MAP7D2: variants seen among roughly 807,000 people sequenced by gnomAD.
The protein encoded by MAP7D2 is MAP7 domain containing 2.
In MAP7D2, 33 loss-of-function variants were observed where a neutral mutation model predicts 63.5. The observed-to-expected ratio is 0.52, with a 90% confidence interval of 0.39 to 0.70. The LOEUF (loss-of-function observed/expected upper bound fraction) is 0.70, where lower values mean the gene tolerates loss of function less well. Among genes scored for constraint, MAP7D2 ranks in the 30% least tolerant of loss-of-function variants. The pLI is 0.00. For missense variants in MAP7D2, 626 were observed against 604.0 expected, an observed-to-expected ratio of 1.04 and a Z score of -0.38; for synonymous variants, 224 against 223.7, an observed-to-expected ratio of 1.00 and a Z score of -0.01.
intron 1 of MAP7D2, among the ~76,000 whole-genome samples, chrX:20,074,771 C>T (rs148351902): frequency 1.9e-3 from 216 of 111,888 alleles, no homozygotes; most frequent in African/African-American, 6.4e-3. Context: ...TAAAATGAGG[C>T]CAGGCGCGGT....
At chrX:20,046,690 G>C (rs1453049477) in intron 6 of MAP7D2, among the ~76,000 whole-genome samples, 1 of 112,601 alleles carries the variant, frequency 8.9e-6, no homozygotes, top group African/African-American at 3.2e-5. Context: ...ACTTTAAAAT[G>C]TTTCGAAAAC....
In MAP7D2 at chrX:20,013,066, G is replaced by C; in HGVS notation, c.1873C>G (p.Pro625Ala). 2 of 1,209,611 alleles carry C rather than the reference G, an allele frequency of 1.7e-6. No individual in the cohort carries two copies. Among genetic ancestry groups the C allele is most frequent in the Non-Finnish European group, 2.2e-6 (2 of 893,817 alleles). ...ATGTCACACTCACCCATTTTGTTGG[G>C]GACAACCAGTTTTGTCTTCTTTTCC... ...CVEKKTKLVVPNKMEINGLNT... is the reference protein window; with the variant it reads ...CVEKKTKLVVANKMEINGLNT... The change falls in exon 14 of 17, where the codon CCC becomes GCC. Residue 625 changes from proline (P) to alanine (A), a missense_variant. Transcript: ENST00000379643.
chrX:20,068,587 G>T (rs2065418087), intron 1 of MAP7D2, among the ~76,000 whole-genome samples: 1 of 112,454 alleles, frequency 8.9e-6, no homozygotes, highest in Admixed American at 9.4e-5. Flanking sequence ...TCCGAGGTAA[G>T]GAGGGCTGGA....
Position 20,065,027 on chromosome X carries a change from T to C in MAP7D2, c.131-222A>G, listed in dbSNP as rs757063988. Among the ~76,000 whole-genome samples the C allele has an allele frequency of 1.6e-4, 18 of 111,818 alleles. No individual in the cohort carries two copies. In the South Asian group the frequency reaches 2.2e-3, roughly 14 times the overall value. On this transcript the variant is annotated intron_variant, in intron 1 of 16. Coordinates refer to ENST00000379643, the MANE Select transcript of MAP7D2 (RefSeq NM_001168465.2). ...ATGCACCTGCCAAGCTGTCCTGTAG[T>C]TGGGCCAACATCAGCCCCAGAGGAC...
chrX:20,008,731 G>A (rs1046450426), intron 16 of MAP7D2, among the ~76,000 whole-genome samples: 5 of 111,955 alleles, frequency 4.5e-5, no homozygotes, highest in Non-Finnish European at 9.4e-5. Flanking sequence ...ACGTCTCCTG[G>A]TGGGGGTGGT....
intron 15 of MAP7D2, among the ~76,000 whole-genome samples, chrX:20,011,274 A>T (rs2073191595): frequency 9.0e-6 from 1 of 110,643 alleles, no homozygotes; most frequent in African/African-American, 3.4e-5. Context: ...ACAGGGAAGC[A>T]GATTGAGCAG....
At chrX:20,066,145 A>C (rs1364556978) in intron 1 of MAP7D2, among the ~76,000 whole-genome samples, 1 of 111,166 alleles carries the variant, frequency 9.0e-6, no homozygotes, top group Admixed American at 9.5e-5. Flanking sequence ...GATGGTCTCG[A>C]TCTCCTGACC....
intron 4 of MAP7D2, among the ~76,000 whole-genome samples, chrX:20,054,730 C>T (rs1412790387): frequency 3.6e-5 from 4 of 111,470 alleles, no homozygotes; most frequent in Non-Finnish European, 7.5e-5. Flanking sequence ...TCCAGGCACC[C>T]GCCACCACAC....
intron 8 of MAP7D2, among the ~76,000 whole-genome samples, chrX:20,034,225 C>CAA (rs397895765): frequency 2.9e-4 from 8 of 27,185 alleles, no homozygotes; most frequent in Admixed American, 6.7e-4. Context: ...ACCCTGTCTC[C>CAA]AAAAAAAAAA....
At chrX:20,024,901 C>A in intron 10 of MAP7D2, 50 bp downstream of exon 10, 1 of 1,176,551 alleles carries the variant, frequency 8.5e-7, no homozygotes, top group Non-Finnish European at 1.1e-6. Flanking sequence ...CTGCTCTTTC[C>A]AACACAACAG....
rs770712739 is a variant in MAP7D2, at chrX:20,115,531, G to A, written c.130+1219C>T. Among the ~76,000 whole-genome samples, 80 of 111,575 alleles carry A rather than the reference G, an allele frequency of 7.2e-4. No individual in the cohort carries two copies. In the Middle Eastern group the frequency reaches 0.019, roughly 26 times the overall value. ...TCAAGCAAAAAGGATAAAAACAAAA[G>A]CACACATTTCAAAGGTAGTTATAAC... On this transcript the variant is annotated intron_variant, in intron 1 of 16. Transcript: ENST00000379643.
chrX:20,111,449 A>G (rs2148577136), intron 1 of MAP7D2, among the ~76,000 whole-genome samples: 1 of 112,060 alleles, frequency 8.9e-6, no homozygotes, highest in East Asian at 2.8e-4. Context: ...AGGACAGAGT[A>G]TGCAGAATAT....
intron 1 of MAP7D2, among the ~76,000 whole-genome samples, chrX:20,097,762 C>T (rs958281868): frequency 9.0e-6 from 1 of 111,402 alleles, no homozygotes; most frequent in Non-Finnish European, 1.9e-5. Context: ...AAGTGCTGTC[C>T]TGCTAACCAT....
chrX:20,038,075 A>G (rs1448981949), intron 8 of MAP7D2, among the ~76,000 whole-genome samples: 1 of 111,691 alleles, frequency 9.0e-6, no homozygotes, highest in African/African-American at 3.3e-5. Flanking sequence ...AGCAGAGACC[A>G]ACTCTGAGCC....
rs537961180 is a variant in MAP7D2 at position 20,116,702 on chromosome X, A to AT, written c.130+47_130+48insA. The stretch of plus-strand genomic sequence containing the variant: ...CCTGGGCCGCCGGGCCCGCCCCCCC[A>AT]CAGGAACCCGAAGCCCTCGGGCGCC... On this transcript the variant is annotated intron_variant, in intron 1 of 16. Coordinates refer to ENST00000379643, the MANE Select transcript of MAP7D2 (RefSeq NM_001168465.2). 1,028 of 1,098,952 alleles carry AT rather than the reference A, an allele frequency of 9.4e-4. 4 individuals carry two copies. In the African/African-American group the frequency reaches 9.8e-3, roughly 11 times the overall value. The allele number at this position is 1,098,952 out of a possible 1,213,427, so 90.6% of individuals were successfully genotyped here.
At chrX:20,115,170 TC>T (rs2066857575) in intron 1 of MAP7D2, among the ~76,000 whole-genome samples, 2 of 108,300 alleles carry the variant, frequency 1.8e-5, no homozygotes, top group Non-Finnish European at 3.8e-5. Flanking sequence ...TACAATAGTT[TC>T]CAAACAGAAC....
intron 1 of MAP7D2, chrX:20,116,475 C>T (rs1981050241): frequency 1.7e-5 from 12 of 696,043 alleles, no homozygotes; most frequent in Non-Finnish European, 1.9e-5. Flanking sequence ...CAGGCACCTC[C>T]ATCCCAAACA....
In MAP7D2 at chrX:20,053,002, C is replaced by T. The variant is rs748802023; in HGVS notation, c.485-14G>A. On this transcript the variant is annotated splice_polypyrimidine_tract_variant and intron_variant, in intron 4 of 16. Transcript: ENST00000379643. Reference sequence around the variant, plus strand: ...GTTTGTCACATGCTGCAGAGAAATGCATTAAAGACATTGGTATTCATCACA... The same window carrying T: ...GTTTGTCACATGCTGCAGAGAAATGTATTAAAGACATTGGTATTCATCACA... The T allele has an allele frequency of 9.0e-7, 1 of 1,107,491 alleles. No homozygotes were observed. Among genetic ancestry groups the T allele is most frequent in the Non-Finnish European group, 1.2e-6 (1 of 800,578 alleles). The allele number at this position is 1,107,491 out of a possible 1,213,427, so 91.3% of individuals were successfully genotyped here. A position where few individuals can be genotyped will look rare whatever the true frequency, so the allele number is the denominator to read the frequency against.
chrX:20,101,285 C>G (rs1265432356), intron 1 of MAP7D2, among the ~76,000 whole-genome samples: 1 of 112,382 alleles, frequency 8.9e-6, no homozygotes, highest in East Asian at 2.8e-4. Context: ...TATCCTATCA[C>G]AGAATGGAAC....
Sources: allele counts gnomAD v4.1 joint callset (sites outside exome capture counted in the v4.1 genomes callset), GRCh38; gene constraint gnomAD v4.1.1; transcripts MANE v1.5; gene names NCBI Gene and HGNC (gene_info 2026-07-23, HGNC 2026-07-21).